The following SHROOM3 variants were observed in gnomAD, a reference collection of about 807,000 sequenced individuals.
SHROOM3 encodes protein Shroom3.
A neutral mutation model predicts 138.6 loss-of-function variants in SHROOM3; 47 were observed. The ratio of observed to expected loss-of-function variants is 0.34; its 90% confidence interval spans 0.27 to 0.43. The LOEUF (loss-of-function observed/expected upper bound fraction) is 0.43, where lower values mean the gene tolerates loss of function less well. SHROOM3 is among the 20% of genes least tolerant of loss of function. The pLI is 1.00. For missense variants in SHROOM3, 2,491 were observed against 2,596.5 expected, an observed-to-expected ratio of 0.96 and a Z score of 0.88; for synonymous variants, 1,062 against 1,063.3, an observed-to-expected ratio of 1.00 and a Z score of 0.02.
chr4:76,535,937 G>C (rs968864792), intron 1 of SHROOM3, among the ~76,000 whole-genome samples: 9 of 152,182 alleles, frequency 5.9e-5, no homozygotes, highest in African/African-American at 1.7e-4. Flanking sequence ...GAAGAAATGC[G>C]GAGCTGATAA....
At chr4:76,775,612 C>A (rs1337247966) in intron 10 of SHROOM3, among the ~76,000 whole-genome samples, 1 of 151,354 alleles carries the variant, frequency 6.6e-6, no homozygotes, top group African/African-American at 2.4e-5. Flanking sequence ...TATAGCAGTA[C>A]AATTTGCAAC....
rs557410370 is a variant in SHROOM3 at position 76,753,248 on chromosome 4, CTA to C, written c.3828-1061_3828-1060del. Among the ~76,000 whole-genome samples, 113 of 152,306 alleles carry C rather than the reference CTA, an allele frequency of 7.4e-4. 1 individual carries two copies. Among genetic ancestry groups the C allele is most frequent in the Middle Eastern group, 6.8e-3 (2 of 294 alleles). On this transcript the variant is annotated intron_variant, in intron 6 of 10. Coordinates refer to ENST00000296043, the MANE Select transcript of SHROOM3 (RefSeq NM_020859.4). ...GGGCCCTTTATTCCATCATCTGCAT[CTA>C]TGTATAATAAAGGAAAAATAAAGGC...
chr4:76,622,907 A>C (rs1474770945), intron 2 of SHROOM3, among the ~76,000 whole-genome samples: 1 of 152,188 alleles, frequency 6.6e-6, no homozygotes, highest in African/African-American at 2.4e-5. Context: ...CTCTTTAATG[A>C]AAATGACTGC....
At chr4:76,614,513 T>G (rs1205533477) in intron 2 of SHROOM3, among the ~76,000 whole-genome samples, 5 of 152,184 alleles carry the variant, frequency 3.3e-5, no homozygotes, top group Non-Finnish European at 7.3e-5. Context: ...GGGATACATG[T>G]GCAGAATGTG....
chr4:76,451,481 C>A (rs940730293), intron 1 of SHROOM3, among the ~76,000 whole-genome samples: 4 of 152,206 alleles, frequency 2.6e-5, no homozygotes, highest in Admixed American at 2.6e-4. Context: ...TGAAAGAAAT[C>A]AGACCAATCA....
intron 3 of SHROOM3, among the ~76,000 whole-genome samples, chr4:76,716,722 A>G (rs1430824059): frequency 2.0e-5 from 3 of 152,194 alleles, no homozygotes; most frequent in African/African-American, 7.2e-5. Context: ...ATTCAAATTA[A>G]CAAGTGCTTT....
chr4:76,618,061 A>G (rs1248022201), intron 2 of SHROOM3, among the ~76,000 whole-genome samples: 1 of 152,258 alleles, frequency 6.6e-6, no homozygotes, highest in Non-Finnish European at 1.5e-5. Context: ...ACACTTTGGG[A>G]GTCCAAGGCA....
intron 2 of SHROOM3, among the ~76,000 whole-genome samples, chr4:76,563,117 T>G (rs1280988854): frequency 4.6e-5 from 7 of 152,162 alleles, no homozygotes; most frequent in Non-Finnish European, 7.3e-5. Flanking sequence ...CATACTGAGT[T>G]GCTATAAGGA....
At chr4:76,555,848 C>G (rs551151039) in intron 2 of SHROOM3, 85 bp downstream of exon 2, 2 of 1,489,366 alleles carry the variant, frequency 1.3e-6, no homozygotes, top group Admixed American at 1.9e-5. Flanking sequence ...GAAAAGAGCT[C>G]GGGGTTGGTA....
intron 5 of SHROOM3, among the ~76,000 whole-genome samples, chr4:76,746,787 T>C (rs1041725449): frequency 8.7e-4 from 35 of 40,186 alleles, no homozygotes; most frequent in Admixed American, 7.6e-3. Context: ...TTTACATTAT[T>C]ATTATTATTA....
intron 9 of SHROOM3, among the ~76,000 whole-genome samples, chr4:76,769,025 C>A (rs1722257132): frequency 2.0e-5 from 3 of 152,154 alleles, no homozygotes; most frequent in African/African-American, 7.2e-5. Flanking sequence ...TCCTAATGGA[C>A]CTTCTCTGGT....
intron 1 of SHROOM3, among the ~76,000 whole-genome samples, chr4:76,458,396 T>C (rs1337334134): frequency 6.6e-6 from 1 of 152,216 alleles, no homozygotes; most frequent in Non-Finnish European, 1.5e-5. Context: ...CTGAAGTCTC[T>C]ACAATGAACA....
At chr4:76,597,802 TC>T (rs1285672804) in intron 2 of SHROOM3, among the ~76,000 whole-genome samples, 1 of 152,168 alleles carries the variant, frequency 6.6e-6, no homozygotes, top group Non-Finnish European at 1.5e-5. Flanking sequence ...TGTTGTAATC[TC>T]CAAATTGCTG....
chr4:76,549,160 T>C (rs1197079111), intron 1 of SHROOM3, among the ~76,000 whole-genome samples: 1 of 152,194 alleles, frequency 6.6e-6, no homozygotes, highest in Non-Finnish European at 1.5e-5. Flanking sequence ...TTTTTAGTCA[T>C]AATAATGTTT....
chr4:76,608,663 T>TAGCATAGCATAGCATAGCACAGCAC (rs1560563360), intron 2 of SHROOM3, among the ~76,000 whole-genome samples: 8 of 31,438 alleles, frequency 2.5e-4, no homozygotes, highest in African/African-American at 4.6e-4. Context: ...TAGCATAGCA[T>TAGCATAGCATAGCATAGCACAGCAC]AGCACAGCAT....
At chr4:76,494,377 A>G (rs1199943610) in intron 1 of SHROOM3, among the ~76,000 whole-genome samples, 1 of 152,220 alleles carries the variant, frequency 6.6e-6, no homozygotes, top group Non-Finnish European at 1.5e-5. Flanking sequence ...GGAGCACTTC[A>G]GAGGCAGAAT....
rs1455246415 is a variant in SHROOM3 at position 76,555,727 on chromosome 4, A to G, written c.287A>G (p.Lys96Arg). 2 of 1,613,690 alleles carry G rather than the reference A, an allele frequency of 1.2e-6. No individual in the cohort carries two copies. The highest frequency in any genetic ancestry group is 1.7e-6 in the Non-Finnish European group (2 of 1,180,006). ...AGAAAGGAGGCAGTTTCCCTGGTGAAAGGATCCTACAAGACCCTCAGGCTG... is the reference window on the plus strand; with the variant it reads ...AGAAAGGAGGCAGTTTCCCTGGTGAGAGGATCCTACAAGACCCTCAGGCTG... ...SSRKEAVSLV[K>R]GSYKTLRLVV... Residue 96 changes from lysine to arginine, a missense_variant, in exon 2 of 11, where the codon AAA (lysine) becomes AGA (arginine). Lys to Arg is a conservative substitution (Grantham distance 26). This residue lies in a region of SHROOM3 where 284 missense variants were observed against 322.8 expected (regional missense o/e 0.88). Transcript: ENST00000296043.
intron 1 of SHROOM3, among the ~76,000 whole-genome samples, chr4:76,463,968 C>A (rs1479196147): frequency 1.3e-5 from 2 of 152,226 alleles, no homozygotes; most frequent in African/African-American, 4.8e-5. Context: ...TCTACTAGGG[C>A]AGTGCAGAAG....
chr4:76,700,054 C>A (rs1719860223), intron 2 of SHROOM3, among the ~76,000 whole-genome samples: 1 of 152,140 alleles, frequency 6.6e-6, no homozygotes, highest in Non-Finnish European at 1.5e-5. Context: ...GTCCACTCGG[C>A]ATATTTTTAT....
Sources: gnomAD v4.1 joint callset for allele counts (sites outside exome capture counted in the v4.1 genomes callset) on GRCh38, gnomAD v4.1.1 for gene constraint, gnomAD v4.1.1 regional missense constraint, MANE v1.5 for transcripts, NCBI Gene and HGNC (gene_info 2026-07-23, HGNC 2026-07-21) for gene names.